The following ANTXR1 variants were observed in gnomAD, a reference collection of about 807,000 sequenced individuals.
ANTXR1 encodes the protein ANTXR cell adhesion molecule 1.
A neutral mutation model predicts 78.1 loss-of-function variants in ANTXR1; 19 were observed. That is an observed-to-expected ratio of 0.24 (90% confidence interval 0.17 to 0.36). The LOEUF is 0.36. Ranked by LOEUF, ANTXR1 falls within the 10% of genes least tolerant of loss-of-function variation. The pLI, the probability that ANTXR1 is intolerant of heterozygous loss-of-function variation, is 1.00. For missense variants in ANTXR1, 518 were observed against 718.6 expected (o/e 0.72, Z 3.19); for synonymous variants, 273 against 260.5 (o/e 1.05, Z -0.46).
intron 12 of ANTXR1, among the ~76,000 whole-genome samples, chr2:69,151,402 C>T (rs1374551437): frequency 6.6e-6 from 1 of 152,026 alleles, no homozygotes; most frequent in Non-Finnish European, 1.5e-5. Flanking sequence ...GGGACTTAGA[C>T]CCGTGTTCCT....
At chr2:69,197,615 C>A (rs1674694391) in intron 17 of ANTXR1, among the ~76,000 whole-genome samples, 1 of 152,136 alleles carries the variant, frequency 6.6e-6, no homozygotes, top group Non-Finnish European at 1.5e-5. Flanking sequence ...CCTGTAAATA[C>A]AAAAAGTTGC....
chr2:69,214,542 C>A (rs1220782304), intron 17 of ANTXR1, among the ~76,000 whole-genome samples: 1 of 152,166 alleles, frequency 6.6e-6, no homozygotes, highest in East Asian at 1.9e-4. Context: ...CCAGGGTAAA[C>A]CTTCCTTCCT....
At chr2:69,042,907 C>T (rs1259041846) in intron 2 of ANTXR1, among the ~76,000 whole-genome samples, 1 of 152,148 alleles carries the variant, frequency 6.6e-6, no homozygotes, top group Non-Finnish European at 1.5e-5. Flanking sequence ...CTGCTTCCAT[C>T]TCACTGGCCT....
At chr2:69,145,425 G>C in intron 12 of ANTXR1, 1 of 1,565,456 alleles carries the variant, frequency 6.4e-7, no homozygotes, top group South Asian at 1.2e-5. Flanking sequence ...TGAAAACGGG[G>C]AGAGAGGAGC....
At chr2:69,040,244 C>A in intron 2 of ANTXR1, 129 bp downstream of exon 2, 1 of 774,090 alleles carries the variant, frequency 1.3e-6, no homozygotes, top group Non-Finnish European at 2.2e-6. Flanking sequence ...TCTCAGATCT[C>A]GGACCAGAGA....
intron 13 of ANTXR1, among the ~76,000 whole-genome samples, chr2:69,153,655 T>G (rs1367851331): frequency 2.0e-5 from 3 of 152,230 alleles, no homozygotes; most frequent in Non-Finnish European, 4.4e-5. Flanking sequence ...TCAGCCCAAG[T>G]GCTTTCTATG....
chr2:69,183,055 AC>A, intron 16 of ANTXR1: 1 of 244,294 alleles, frequency 4.1e-6, no homozygotes, highest in Non-Finnish European at 8.0e-6. Context: ...TTGGGTAGTA[AC>A]CCCAGAGAGT....
chr2:69,192,063 A>AC (rs1674557451), intron 16 of ANTXR1, among the ~76,000 whole-genome samples: 1 of 152,226 alleles, frequency 6.6e-6, no homozygotes, highest in Non-Finnish European at 1.5e-5. Flanking sequence ...AGTGAACAAA[A>AC]CCATCAATAC....
chr2:69,165,588 A>C (rs1261768134), intron 13 of ANTXR1, among the ~76,000 whole-genome samples: 3 of 152,260 alleles, frequency 2.0e-5, no homozygotes, highest in African/African-American at 7.2e-5. Flanking sequence ...GACAGAGGCA[A>C]AACAGGGGAC....
At position 69,210,936 on chromosome 2, in the gene ANTXR1, A is replaced by C. The variant is rs1256418711; in HGVS notation, c.1434+17521A>C. Among the ~76,000 whole-genome samples, 13 of 124,964 alleles carry C rather than the reference A, an allele frequency of 1.0e-4. No individual in the cohort carries two copies. In the South Asian group the frequency reaches 1.4e-3, roughly 13 times the overall value. The allele number at this position is 124,964 out of a possible 152,430, so 82.0% of individuals were successfully genotyped here. On this transcript the variant is annotated intron_variant, in intron 17 of 17. Coordinates refer to ENST00000303714, the MANE Select transcript of ANTXR1 (RefSeq NM_032208.3). ...GGGCGACAGAGTGAGACTCCATCAC[A>C]AAAAAAAAAAAAAAAAAAAAGAACC...
chr2:69,245,427 C>T lies in ANTXR1; in HGVS notation c.1637C>T (p.Ala546Val). 1 of 1,603,480 alleles carries T rather than the reference C, an allele frequency of 6.2e-7. No individual in the cohort carries two copies. The highest frequency in any genetic ancestry group is 2.2e-5 in the East Asian group (1 of 44,484). The part of the protein sequence containing the change: ...PPSTLPPPPQ[A>V]PPPNRAPPPS... ...TCCACCCTTCCCCCTCCTCCCCAGG[C>T]TCCACCTCCCAACAGGGCACCTCCT... is the stretch of plus-strand genomic sequence containing the variant. Residue 546 changes from alanine (A) to valine (V), a missense_variant, in exon 18 of 18, where the codon GCT becomes GTT. By Grantham distance (64) the Ala-to-Val change is moderately conservative. Coordinates refer to ENST00000303714, the MANE Select transcript of ANTXR1 (RefSeq NM_032208.3).
At chr2:69,045,947 T>G (rs1669754867) in intron 3 of ANTXR1, among the ~76,000 whole-genome samples, 1 of 152,156 alleles carries the variant, frequency 6.6e-6, no homozygotes, top group East Asian at 1.9e-4. Flanking sequence ...CTTTCCAGTT[T>G]ACCTTGCTGC....
rs143620666 is a variant in ANTXR1 at position 69,111,239 on chromosome 2, C to T, written c.802+8299C>T. Among the ~76,000 whole-genome samples the T allele has an allele frequency of 5.9e-5, 9 of 152,256 alleles. No individual in the cohort carries two copies. The East Asian group carries it at 1.4e-3, about 23-fold the overall frequency. On this transcript the variant is annotated intron_variant, in intron 10 of 17. Transcript: ENST00000303714. ...TCACACAAACTGTATTTACTCTGGC[C>T]GCACTTTTTCCTCCTTTAGTATTCA...
In ANTXR1 at chr2:69,044,847, T is replaced by C. The variant is rs961161177; in HGVS notation, c.296+34T>C. On this transcript the variant is annotated intron_variant, in intron 3 of 17. Coordinates refer to ENST00000303714, the MANE Select transcript of ANTXR1 (RefSeq NM_032208.3). ...ACTTCTTATCTCTGTTGTTAAAAAG[T>C]CCATCACTTCCTGAGTAGCCCTGAG... 12 of 1,601,890 alleles carry C rather than the reference T, an allele frequency of 7.5e-6. No individual in the cohort carries two copies. The Admixed American group carries it at 1.2e-4, about 16-fold the overall frequency.
At chr2:69,074,690 C>T (rs1419268407) in intron 6 of ANTXR1, among the ~76,000 whole-genome samples, 2 of 152,130 alleles carry the variant, frequency 1.3e-5, no homozygotes, top group African/African-American at 4.8e-5. Flanking sequence ...GAAAAAAAGA[C>T]ATAAGTTTTT....
intron 17 of ANTXR1, among the ~76,000 whole-genome samples, chr2:69,212,961 C>CTTTTTT (rs747933496): frequency 1.1e-4 from 11 of 98,080 alleles, no homozygotes; most frequent in Non-Finnish European, 1.4e-4. Context: ...TGCACATCAC[C>CTTTTTT]TTTTTTTTTT....
intron 12 of ANTXR1, among the ~76,000 whole-genome samples, chr2:69,131,571 A>T (rs554154368): frequency 3.3e-5 from 5 of 152,306 alleles, no homozygotes; most frequent in Middle Eastern, 3.4e-3. Context: ...TATCGCCCCT[A>T]TGTTTCTTGA....
intron 6 of ANTXR1, among the ~76,000 whole-genome samples, chr2:69,074,191 C>A (rs1449465518): frequency 6.6e-6 from 1 of 152,116 alleles, no homozygotes; most frequent in Non-Finnish European, 1.5e-5. Flanking sequence ...ACTCTCCTCC[C>A]ACTAGTACAA....
intron 12 of ANTXR1, among the ~76,000 whole-genome samples, chr2:69,141,585 T>C (rs1207684183): frequency 6.6e-6 from 1 of 152,256 alleles, no homozygotes; most frequent in Non-Finnish European, 1.5e-5. Context: ...ACAGTCATTC[T>C]GTTTCCTTCT....
Sources: gnomAD v4.1 joint callset for allele counts (sites outside exome capture counted in the v4.1 genomes callset) on GRCh38, gnomAD v4.1.1 for gene constraint, MANE v1.5 for transcripts, NCBI Gene and HGNC (gene_info 2026-07-23, HGNC 2026-07-21) for gene names.